Variants in CTNNA3 observed in about 807,000 individuals in gnomAD.
CTNNA3 encodes the protein catenin alpha-3.
Under a neutral mutation model 95.7 loss-of-function variants are expected in CTNNA3, and 76 were observed. The observed-to-expected ratio is 0.79, with a 90% CI of 0.66 to 0.96. CTNNA3 has a LOEUF of 0.96. CTNNA3 is among the 40% of genes least tolerant of loss of function. CTNNA3 has a pLI of 0.00. For missense variants in CTNNA3, 1,191 were observed against 1,089.8 expected (o/e 1.09, Z -1.31); for synonymous variants, 431 against 374.4 (o/e 1.15, Z -1.74).
At chr10:67,216,658 A>C (rs1283844764) in intron 6 of CTNNA3, among the ~76,000 whole-genome samples, 1 of 152,220 alleles carries the variant, frequency 6.6e-6, no homozygotes, top group African/African-American at 2.4e-5. Flanking sequence ...AGTTAAAAAA[A>C]GTGAATATGA....
chr10:67,266,639 G>A (rs1239870843), intron 5 of CTNNA3, among the ~76,000 whole-genome samples: 1 of 152,102 alleles, frequency 6.6e-6, no homozygotes, highest in African/African-American at 2.4e-5. Context: ...ATCATGATAA[G>A]GAATTAACTT....
At chr10:66,048,782 T>C (rs1175439325) in intron 15 of CTNNA3, among the ~76,000 whole-genome samples, 1 of 151,254 alleles carries the variant, frequency 6.6e-6, no homozygotes, top group Admixed American at 6.6e-5. Flanking sequence ...AAAACAAAAA[T>C]CAACTCAAGA....
intron 6 of CTNNA3, among the ~76,000 whole-genome samples, chr10:67,193,037 T>C (rs976180705): frequency 1.1e-4 from 17 of 151,898 alleles, no homozygotes; most frequent in Non-Finnish European, 1.6e-4. Context: ...ACCACTTATA[T>C]GTAAAATCAA....
chr10:66,008,321 G>A (rs2078937389), intron 15 of CTNNA3, among the ~76,000 whole-genome samples: 1 of 152,168 alleles, frequency 6.6e-6, no homozygotes, highest in Non-Finnish European at 1.5e-5. Flanking sequence ...CTTACACACT[G>A]GTGCTGAATA....
chr10:67,473,927 C>T lies in CTNNA3; in HGVS notation c.579+47915G>A, dbSNP rs367890136. Among the ~76,000 whole-genome samples the T allele has an allele frequency of 1.1e-4, 17 of 152,100 alleles. No homozygotes were observed. In the East Asian group the frequency reaches 1.4e-3, roughly 12 times the overall value. On this transcript the variant is annotated intron_variant, in intron 5 of 17. Coordinates refer to ENST00000433211, the MANE Select transcript of CTNNA3 (RefSeq NM_013266.4). Reference sequence around the variant, plus strand: ...TTGACAGGAATGTAGCTATGTAGCCCGAGTCACATGGCATATGCAGCTGCA... The same window carrying T: ...TTGACAGGAATGTAGCTATGTAGCCTGAGTCACATGGCATATGCAGCTGCA...
At chr10:67,715,823 G>A (rs567527692) in intron 1 of CTNNA3, among the ~76,000 whole-genome samples, 2 of 152,060 alleles carry the variant, frequency 1.3e-5, no homozygotes, top group South Asian at 2.1e-4. Context: ...GGAACTGGCT[G>A]GGCTGTATAT....
At chr10:67,726,625 AT>A (rs1841228855) in intron 1 of CTNNA3, among the ~76,000 whole-genome samples, 2 of 5,696 alleles carry the variant, frequency 3.5e-4, no homozygotes, top group Non-Finnish European at 6.4e-4. Context: ...TATAATATAT[AT>A]TATATTATAT....
At chr10:67,728,272 G>C (rs1841255444) in intron 1 of CTNNA3, among the ~76,000 whole-genome samples, 1 of 148,850 alleles carries the variant, frequency 6.7e-6, no homozygotes, top group Non-Finnish European at 1.5e-5. Flanking sequence ...TGGCCAACAT[G>C]GTGAAACCCC....
intron 5 of CTNNA3, among the ~76,000 whole-genome samples, chr10:67,242,847 A>G (rs1393102520): frequency 1.3e-5 from 2 of 152,236 alleles, no homozygotes; most frequent in Non-Finnish European, 1.5e-5. Flanking sequence ...CCCAGTGCAA[A>G]AACACTCCAA....
At chr10:66,890,285 T>C (rs1038343974) in intron 7 of CTNNA3, among the ~76,000 whole-genome samples, 12 of 151,232 alleles carry the variant, frequency 7.9e-5, no homozygotes, top group South Asian at 2.1e-4. Context: ...TTCAGGCTCA[T>C]GGAACGGAAT....
intron 7 of CTNNA3, among the ~76,000 whole-genome samples, chr10:66,801,341 A>G (rs12770781): frequency 1.3e-5 from 2 of 151,478 alleles, no homozygotes; most frequent in Admixed American, 6.6e-5. Context: ...AAGCAAACGG[A>G]TAATGGAATT....
At chr10:66,218,659 TTTGTG>T in intron 13 of CTNNA3, among the ~76,000 whole-genome samples, 1 of 152,288 alleles carries the variant, frequency 6.6e-6, no homozygotes, top group Non-Finnish European at 1.5e-5. Flanking sequence ...GAAGCTAAGT[TTTGTG>T]TTATTTGTTA....
intron 7 of CTNNA3, among the ~76,000 whole-genome samples, chr10:66,904,915 C>T (rs896751073): frequency 6.6e-6 from 1 of 152,124 alleles, no homozygotes; most frequent in Non-Finnish European, 1.5e-5. Flanking sequence ...GCTTTTACAC[C>T]GTTGATGGGA....
chr10:67,538,157 TAAAAAAAAA>T (rs1176919938), intron 4 of CTNNA3, among the ~76,000 whole-genome samples: 40 of 59,190 alleles, frequency 6.8e-4, no homozygotes, highest in East Asian at 2.4e-3. Flanking sequence ...CTACTTAAAC[TAAAAAAAAA>T]AAAAAAAAAA....
chr10:67,390,716 T>A (rs1235019518), intron 5 of CTNNA3, among the ~76,000 whole-genome samples: 2 of 149,948 alleles, frequency 1.3e-5, no homozygotes, highest in Non-Finnish European at 3.0e-5. Flanking sequence ...CATGATCAAG[T>A]GGGCTTCATC....
intron 5 of CTNNA3, among the ~76,000 whole-genome samples, chr10:67,229,632 G>T (rs1220673870): frequency 1.3e-5 from 2 of 152,112 alleles, no homozygotes; most frequent in Non-Finnish European, 2.9e-5. Flanking sequence ...CCAGATAAAA[G>T]ATTAATATAC....
chr10:66,926,901 T>TAGAA (rs1847113866), intron 7 of CTNNA3: 2 of 1,540,564 alleles, frequency 1.3e-6, no homozygotes, highest in African/African-American at 2.8e-5. Flanking sequence ...ATAACTTTTC[T>TAGAA]AAGTTGTTTT....
At chr10:66,695,349 C>A (rs1847717486) in intron 9 of CTNNA3, among the ~76,000 whole-genome samples, 2 of 152,152 alleles carry the variant, frequency 1.3e-5, no homozygotes, top group Admixed American at 1.3e-4. Flanking sequence ...GTATTTGTTT[C>A]TTTGGGCAAC....
chr10:66,396,085 C>A (rs1448405289), intron 11 of CTNNA3, among the ~76,000 whole-genome samples: 4 of 151,918 alleles, frequency 2.6e-5, no homozygotes, highest in African/African-American at 9.7e-5. Flanking sequence ...TGCCCTCCAG[C>A]AACATTTATA....
Sources: gnomAD v4.1 joint callset for allele counts (sites outside exome capture counted in the v4.1 genomes callset) on GRCh38, gnomAD v4.1.1 for gene constraint, MANE v1.5 for transcripts, NCBI Gene and HGNC (gene_info 2026-07-23, HGNC 2026-07-21) for gene names.